Variants in NRG1 observed in about 807,000 individuals in gnomAD.
The protein encoded by NRG1 is neuregulin 1, also known as pro-neuregulin-1, membrane-bound isoform.
In NRG1, 18 loss-of-function variants were observed where a neutral mutation model predicts 63.8. That is an observed-to-expected ratio of 0.28 (90% CI 0.19 to 0.42). The LOEUF (loss-of-function observed/expected upper bound fraction) is 0.42, where lower values mean the gene tolerates loss of function less well. Ranked by LOEUF, NRG1 falls within the 10% of genes least tolerant of loss-of-function variation. NRG1 has a pLI of 1.00. For missense variants in NRG1, 762 were observed against 814.7 expected, an observed-to-expected ratio of 0.94 and a Z score of 0.79; for synonymous variants, 302 against 301.3, an observed-to-expected ratio of 1.00 and a Z score of -0.02.
intron 1 of NRG1, among the ~76,000 whole-genome samples, chr8:32,251,464 G>A (rs1183892596): frequency 1.3e-5 from 2 of 152,038 alleles, no homozygotes; most frequent in Non-Finnish European, 2.9e-5. Context: ...TCATTGATGG[G>A]CATTTGGGTT....
intron 1 of NRG1, among the ~76,000 whole-genome samples, chr8:31,741,585 A>G (rs1815281112): frequency 6.6e-6 from 1 of 152,044 alleles, no homozygotes; most frequent in East Asian, 1.9e-4. Context: ...CATTATTCAG[A>G]AAATGTATCC....
intron 1 of NRG1, among the ~76,000 whole-genome samples, chr8:32,269,892 G>A (rs1851366848): frequency 6.6e-6 from 1 of 152,256 alleles, no homozygotes; most frequent in East Asian, 1.9e-4. Flanking sequence ...TGCCTAAGAA[G>A]CAATTTAACA....
intron 3 of NRG1, among the ~76,000 whole-genome samples, chr8:32,609,742 T>C (rs1192450796): frequency 6.7e-6 from 1 of 149,294 alleles, no homozygotes; most frequent in East Asian, 2.0e-4. Flanking sequence ...GCCACTGCAC[T>C]GGATTCAAGC....
At chr8:31,839,013 T>C (rs1825942938) in intron 1 of NRG1, among the ~76,000 whole-genome samples, 1 of 152,190 alleles carries the variant, frequency 6.6e-6, no homozygotes, top group African/African-American at 2.4e-5. Context: ...AATGTAGTGC[T>C]GGCATTTAGG....
At chr8:31,931,582 A>G (rs577462260) in intron 1 of NRG1, among the ~76,000 whole-genome samples, 2 of 152,320 alleles carry the variant, frequency 1.3e-5, no homozygotes, top group Admixed American at 1.3e-4. Context: ...GGTGTCTAGA[A>G]CGTATTATGT....
In NRG1 at chr8:32,175,954, A is replaced by C. The variant is rs1840678609; in HGVS notation, c.38-419874A>C. 2.0e-5 allele frequency among the ~76,000 whole-genome samples: 3 copies of C among 152,294 alleles called. No individual in the cohort carries two copies. In the South Asian group the frequency reaches 6.2e-4, roughly 32 times the overall value. On this transcript the variant is annotated intron_variant, in intron 1 of 10. Coordinates refer to the NRG1 transcript ENST00000519301. ...TGCCATCCCCATCAAGCTACCAATG[A>C]CTTTCTTCACAGAATTGGAAAAAAC... is the stretch of plus-strand genomic sequence containing the variant.
At chr8:32,683,846 TC>T (rs1809342703) in intron 5 of NRG1, among the ~76,000 whole-genome samples, 1 of 151,202 alleles carries the variant, frequency 6.6e-6, no homozygotes, top group African/African-American at 2.4e-5. Context: ...TGGTCTAAAT[TC>T]CTGTTATACA....
intron 1 of NRG1, among the ~76,000 whole-genome samples, chr8:32,320,702 G>A (rs1313899263): frequency 1.3e-5 from 2 of 152,100 alleles, no homozygotes; most frequent in African/African-American, 2.4e-5. Flanking sequence ...ATTACAATTC[G>A]ACCTGAGATT....
At chr8:32,096,946 CCTT>C (rs1223957122) in intron 1 of NRG1, among the ~76,000 whole-genome samples, 3 of 152,152 alleles carry the variant, frequency 2.0e-5, no homozygotes, top group African/African-American at 7.2e-5. Context: ...CTTATTTATT[CCTT>C]CTATCTAACT....
chr8:32,181,783 A>G (rs1467590605), intron 1 of NRG1, among the ~76,000 whole-genome samples: 1 of 152,230 alleles, frequency 6.6e-6, no homozygotes, highest in Non-Finnish European at 1.5e-5. Flanking sequence ...GCATTGTTAG[A>G]TAAAAATGTA....
chr8:32,433,110 T>C (rs937669349), intron 1 of NRG1, among the ~76,000 whole-genome samples: 3 of 152,084 alleles, frequency 2.0e-5, no homozygotes, highest in African/African-American at 7.2e-5. Flanking sequence ...GGACAGTCAT[T>C]GTGCTGGGTG....
chr8:32,335,970 C>T (rs187688245), intron 1 of NRG1, among the ~76,000 whole-genome samples: 1 of 150,068 alleles, frequency 6.7e-6, no homozygotes, highest in Admixed American at 6.6e-5. Context: ...AACACACCTA[C>T]CCTCACTCTC....
intron 1 of NRG1, among the ~76,000 whole-genome samples, chr8:31,974,492 C>T (rs549745857): frequency 2.6e-5 from 4 of 152,296 alleles, no homozygotes; most frequent in African/African-American, 9.6e-5. Context: ...GTCAAGAGTA[C>T]AACTGCCAGA....
chr8:31,650,464 C>T (rs1804724190), intron 1 of NRG1, among the ~76,000 whole-genome samples: 1 of 152,156 alleles, frequency 6.6e-6, no homozygotes, highest in South Asian at 2.1e-4. Context: ...ACTTTCCTAA[C>T]CCTCCTGTTT....
At chr8:32,589,457 G>A (rs1223488367) in intron 1 of NRG1, among the ~76,000 whole-genome samples, 1 of 152,228 alleles carries the variant, frequency 6.6e-6, no homozygotes, top group Non-Finnish European at 1.5e-5. Context: ...ATGTGATGGT[G>A]GGCTTTTTAC....
chr8:31,722,146 C>G (rs946985408), intron 1 of NRG1, among the ~76,000 whole-genome samples: 1 of 152,056 alleles, frequency 6.6e-6, no homozygotes, highest in African/African-American at 2.4e-5. Flanking sequence ...CTCTTAGGAC[C>G]TGGTGGTCTC....
At chr8:31,793,031 A>G (rs937547919) in intron 1 of NRG1, among the ~76,000 whole-genome samples, 1 of 152,240 alleles carries the variant, frequency 6.6e-6, no homozygotes, top group Admixed American at 6.5e-5. Flanking sequence ...TTCAGCAAAT[A>G]GCTCATAACC....
intron 1 of NRG1, among the ~76,000 whole-genome samples, chr8:31,743,062 G>C (rs1330062765): frequency 1.3e-5 from 2 of 151,964 alleles, no homozygotes; most frequent in Non-Finnish European, 2.9e-5. Flanking sequence ...TGACAGTCCA[G>C]TCCCATCACC....
intron 1 of NRG1, among the ~76,000 whole-genome samples, chr8:32,407,593 C>T (rs1814269085): frequency 6.6e-6 from 1 of 151,958 alleles, no homozygotes; most frequent in African/African-American, 2.4e-5. Flanking sequence ...GTTTTTGTGC[C>T]TCTGTCTCCA....
Sources: allele counts gnomAD v4.1 joint callset (sites outside exome capture counted in the v4.1 genomes callset), GRCh38; gene constraint gnomAD v4.1.1; transcripts MANE v1.5; gene names NCBI Gene and HGNC (gene_info 2026-07-23, HGNC 2026-07-21).